The following CSMD1 variants were observed in gnomAD, a reference collection of about 807,000 sequenced individuals.
CSMD1 encodes the protein CUB and Sushi multiple domains 1.
In CSMD1, 213 loss-of-function variants were observed where a neutral mutation model predicts 417.5. The observed-to-expected ratio is 0.51, with a 90% CI of 0.46 to 0.57. The LOEUF (loss-of-function observed/expected upper bound fraction) is 0.57, where lower values mean the gene tolerates loss of function less well. Ranked by LOEUF, CSMD1 falls within the 20% of genes least tolerant of loss-of-function variation. CSMD1 has a pLI of 0.00. For missense variants in CSMD1, 6,923 were observed against 4,529.7 expected (o/e 1.53, Z -15.17); for synonymous variants, 2,862 against 1,736.8 (o/e 1.65, Z -16.11).
intron 2 of CSMD1, among the ~76,000 whole-genome samples, chr8:4,521,145 G>C (rs1803422961): frequency 6.6e-6 from 1 of 152,014 alleles, no homozygotes. Context: ...TTTTCAAAAT[G>C]AACAGTGACT....
Position 2,957,695 on chromosome 8 carries a change from C to G in CSMD1, c.9814+1G>C. ...ATGGGGGTGGAAGAAATCACACTTA[C>G]GTATACATTCGGTCTGTATCCCACT... On this transcript the variant is annotated splice_donor_variant, in intron 63 of 69. Coordinates refer to ENST00000635120, the MANE Select transcript of CSMD1 (RefSeq NM_033225.6). LOFTEE classifies it high-confidence loss of function. 6.4e-7 allele frequency: 1 copy of G among 1,560,684 alleles called. No individual in the cohort carries two copies. The highest frequency in any genetic ancestry group is 1.3e-5 in the African/African-American group (1 of 74,120).
At chr8:3,299,360 G>C (rs1242084218) in intron 25 of CSMD1, among the ~76,000 whole-genome samples, 1 of 152,140 alleles carries the variant, frequency 6.6e-6, no homozygotes, top group African/African-American at 2.4e-5. Context: ...GCTCAGGCAG[G>C]AGCATTGCTT....
intron 1 of CSMD1, among the ~76,000 whole-genome samples, chr8:4,849,569 G>A (rs1031545453): frequency 5.3e-5 from 8 of 152,132 alleles, no homozygotes; most frequent in African/African-American, 1.9e-4. Flanking sequence ...CTATACAGGT[G>A]TAGCATTTTT....
chr8:4,960,452 C>T (rs970295303), intron 1 of CSMD1, among the ~76,000 whole-genome samples: 1 of 152,160 alleles, frequency 6.6e-6, no homozygotes, highest in Non-Finnish European at 1.5e-5. Context: ...CTGGCATGTG[C>T]TGGGGATAAA....
intron 1 of CSMD1, among the ~76,000 whole-genome samples, chr8:4,844,102 T>C (rs536460430): frequency 2.2e-4 from 34 of 152,312 alleles, no homozygotes; most frequent in African/African-American, 7.9e-4. Flanking sequence ...ATGAAGTGTT[T>C]GTCTAAGAGC....
chr8:4,760,550 A>G (rs2117092604), intron 1 of CSMD1, among the ~76,000 whole-genome samples: 1 of 152,322 alleles, frequency 6.6e-6, no homozygotes, highest in Non-Finnish European at 1.5e-5. Flanking sequence ...GACATATATT[A>G]TTGGCAAGCA....
intron 1 of CSMD1, among the ~76,000 whole-genome samples, chr8:4,643,542 A>G (rs1803336114): frequency 6.6e-6 from 1 of 152,184 alleles, no homozygotes; most frequent in Non-Finnish European, 1.5e-5. Context: ...ATAAAATAAT[A>G]TAAAATAAAA....
chr8:4,963,103 T>A (rs746252716), intron 1 of CSMD1, among the ~76,000 whole-genome samples: 1 of 152,202 alleles, frequency 6.6e-6, no homozygotes, highest in South Asian at 2.1e-4. Context: ...CGCAAGAATA[T>A]AGGCTTATTT....
intron 3 of CSMD1, among the ~76,000 whole-genome samples, chr8:4,110,348 C>A (rs1330878734): frequency 6.6e-6 from 1 of 152,078 alleles, no homozygotes; most frequent in Non-Finnish European, 1.5e-5. Context: ...TAACTTCAGC[C>A]TATGGATATG....
At chr8:4,262,316 A>AG (rs984236340) in intron 3 of CSMD1, among the ~76,000 whole-genome samples, 45 of 152,274 alleles carry the variant, frequency 3.0e-4, no homozygotes, top group African/African-American at 1.1e-3. Flanking sequence ...CACAGGCACT[A>AG]GCCCTGCCTC....
intron 3 of CSMD1, among the ~76,000 whole-genome samples, chr8:4,053,021 G>C (rs1006420370): frequency 1.3e-5 from 2 of 152,124 alleles, no homozygotes; most frequent in South Asian, 2.1e-4. Flanking sequence ...CTTTAGCAAA[G>C]GGTAACAATT....
At chr8:3,649,122 C>G (rs1797720811) in intron 7 of CSMD1, among the ~76,000 whole-genome samples, 5 of 152,294 alleles carry the variant, frequency 3.3e-5, no homozygotes, top group Admixed American at 3.3e-4. Context: ...AGTAGCAATA[C>G]TGTACCATTC....
At chr8:3,652,064 ACCC>A (rs1797884078) in intron 7 of CSMD1, among the ~76,000 whole-genome samples, 1 of 148,086 alleles carries the variant, frequency 6.8e-6, no homozygotes, top group Non-Finnish European at 1.5e-5. Context: ...CATCGCACTT[ACCC>A]CCATCAGAGC....
intron 8 of CSMD1, among the ~76,000 whole-genome samples, chr8:3,593,201 TG>T (rs1239217562): frequency 6.6e-6 from 1 of 152,202 alleles, no homozygotes; most frequent in African/African-American, 2.4e-5. Context: ...CCACCATACT[TG>T]GGACCAAGAC....
At chr8:4,849,521 C>T (rs1206356873) in intron 1 of CSMD1, among the ~76,000 whole-genome samples, 1 of 152,184 alleles carries the variant, frequency 6.6e-6, no homozygotes, top group Non-Finnish European at 1.5e-5. Flanking sequence ...TCCTACAGAG[C>T]TACTTCCAGG....
In CSMD1 at chr8:4,683,765, T is replaced by A. The variant is rs1381097433; in HGVS notation, c.86-46207A>T. On this transcript the variant is annotated intron_variant, in intron 1 of 69. Transcript: ENST00000635120. Reference sequence around the variant, plus strand: ...TTTGCACAATTAGCTCAGACATACATCTATGAAACTTTTCTAGGCACTAAG... The same window carrying A: ...TTTGCACAATTAGCTCAGACATACAACTATGAAACTTTTCTAGGCACTAAG... Among the ~76,000 whole-genome samples, 3 of 152,180 alleles carry A rather than the reference T, an allele frequency of 2.0e-5. No homozygotes were observed. The East Asian group carries it at 5.8e-4, about 29-fold the overall frequency.
intron 22 of CSMD1, among the ~76,000 whole-genome samples, chr8:3,347,398 G>C (rs1194043294): frequency 1.3e-5 from 2 of 152,166 alleles, no homozygotes; most frequent in Non-Finnish European, 2.9e-5. Context: ...CGCAGGACCT[G>C]GGTACCCCTG....
intron 2 of CSMD1, among the ~76,000 whole-genome samples, chr8:4,503,413 G>A (rs1299668867): frequency 6.6e-6 from 1 of 152,044 alleles, no homozygotes; most frequent in Non-Finnish European, 1.5e-5. Context: ...AATAAAATAA[G>A]TCGAGAAAAT....
chr8:4,777,359 C>A (rs1796905607), intron 1 of CSMD1, among the ~76,000 whole-genome samples: 2 of 152,090 alleles, frequency 1.3e-5, no homozygotes. Context: ...GATGAGATGT[C>A]TGGTTTTGAG....
Sources: gnomAD v4.1 joint callset for allele counts (sites outside exome capture counted in the v4.1 genomes callset) on GRCh38, gnomAD v4.1.1 for gene constraint, MANE v1.5 for transcripts, NCBI Gene and HGNC (gene_info 2026-07-23, HGNC 2026-07-21) for gene names.